ERI3: variants seen among roughly 807,000 people sequenced by gnomAD.
ERI3 encodes ERI1 exoribonuclease family member 3.
ERI3 carries 18 observed loss-of-function variants against 44.4 expected under a neutral mutation model. The observed-to-expected ratio is 0.41, with a 90% CI of 0.28 to 0.60. The LOEUF is 0.60. Ranked by LOEUF, ERI3 falls within the 20% of genes least tolerant of loss-of-function variation. ERI3 has a pLI of 0.36. For missense variants in ERI3, 294 were observed against 435.5 expected (o/e 0.68, Z 2.89); for synonymous variants, 183 against 164.8 (o/e 1.11, Z -0.84).
At chr1:44,259,618 G>T (rs981400174) in intron 7 of ERI3, among the ~76,000 whole-genome samples, 12 of 151,562 alleles carry the variant, frequency 7.9e-5, no homozygotes, top group Admixed American at 2.0e-4. Flanking sequence ...GAGTGGGGAG[G>T]ACTAATTGAA....
intron 5 of ERI3, among the ~76,000 whole-genome samples, chr1:44,311,306 G>A (rs1645967714): frequency 6.6e-6 from 1 of 152,070 alleles, no homozygotes; most frequent in Non-Finnish European, 1.5e-5. Flanking sequence ...CGCTTGCACA[G>A]CAGCTATTCA....
chr1:44,234,871 T>G (rs1341908251), intron 8 of ERI3, among the ~76,000 whole-genome samples: 2 of 151,890 alleles, frequency 1.3e-5, no homozygotes, highest in Non-Finnish European at 2.9e-5. Flanking sequence ...GCCTCCCAAG[T>G]AGCTGGGATT....
intron 5 of ERI3, among the ~76,000 whole-genome samples, chr1:44,310,951 T>TAG (rs1553195164): frequency 0.017 from 1,646 of 95,064 alleles, 116 homozygotes; most frequent in East Asian, 0.099. Flanking sequence ...TATGTGCACA[T>TAG]CGCGCGCGCG....
chr1:44,324,264 G>C (rs1646261136), intron 3 of ERI3, among the ~76,000 whole-genome samples: 2 of 152,254 alleles, frequency 1.3e-5, no homozygotes, highest in Middle Eastern at 3.4e-3. Context: ...ATCAGAGAGG[G>C]GAAATGATCT....
At chr1:44,248,362 G>A (rs1644598644) in intron 7 of ERI3, among the ~76,000 whole-genome samples, 1 of 152,110 alleles carries the variant, frequency 6.6e-6, no homozygotes, top group Non-Finnish European at 1.5e-5. Flanking sequence ...GGGCATACCT[G>A]CACCTTGCAC....
chr1:44,271,777 T>A (rs1572160163), intron 7 of ERI3, among the ~76,000 whole-genome samples: 1 of 152,206 alleles, frequency 6.6e-6, no homozygotes, highest in African/African-American at 2.4e-5. Context: ...CACAGGTAGA[T>A]GATAAGGCCA....
At chr1:44,307,721 C>T (rs1645869993) in intron 6 of ERI3, among the ~76,000 whole-genome samples, 1 of 152,144 alleles carries the variant, frequency 6.6e-6, no homozygotes, top group African/African-American at 2.4e-5. Flanking sequence ...GGCAGCTTCC[C>T]GGAGCAGCCC....
chr1:44,261,222 A>G (rs2154320040), intron 7 of ERI3, among the ~76,000 whole-genome samples: 1 of 152,368 alleles, frequency 6.6e-6, no homozygotes, highest in South Asian at 2.1e-4. Context: ...CGGTTCAGGT[A>G]GGAGCGGGGT....
chr1:44,323,531 C>T (rs1646246145), intron 3 of ERI3, among the ~76,000 whole-genome samples: 2 of 152,176 alleles, frequency 1.3e-5, no homozygotes, highest in African/African-American at 2.4e-5. Context: ...TGGCTGTAGA[C>T]ACAGAGATGA....
At position 44,334,374 on chromosome 1, in the gene ERI3, C is replaced by G. The variant is rs375649326; in HGVS notation, c.489+4671G>C. 4.8e-4 allele frequency among the ~76,000 whole-genome samples: 73 copies of G among 152,308 alleles called. 1 individual carries two copies. The highest frequency in any genetic ancestry group is 1.7e-3 in the African/African-American group (71 of 41,562). On this transcript the variant is annotated intron_variant, in intron 3 of 8. Transcript: ENST00000372257. ...TGCTCTCTGGGCCTCAGGGTCACAA[C>G]AACCATCACTCGGTGCACATCCACA...
Position 44,235,414 on chromosome 1 carries a change from T to G in ERI3, c.931+12525A>C, listed in dbSNP as rs1003732775. Among the ~76,000 whole-genome samples, 1 of 152,170 alleles carries G rather than the reference T, an allele frequency of 6.6e-6. No individual in the cohort carries two copies. Among genetic ancestry groups the G allele is most frequent in the South Asian group, 2.1e-4 (1 of 4,828 alleles). On this transcript the variant is annotated intron_variant, in intron 8 of 8. Transcript: ENST00000372257. This position sits in a 1 kb window ranked among gnomAD's most constrained non-coding sequence, Gnocchi z 4.6. ...CCGCCTTTGTGTTAGGAACCTCTTC[T>G]GTGTGCTCCCACAGCAGCCAATTCT...
intron 4 of ERI3, among the ~76,000 whole-genome samples, chr1:44,316,028 C>T (rs1646080974): frequency 6.7e-6 from 1 of 150,042 alleles, no homozygotes; most frequent in Non-Finnish European, 1.5e-5. Flanking sequence ...CTACCTGATA[C>T]TAATGACCTA....
intron 8 of ERI3, chr1:44,230,495 G>T (rs41264675): frequency 0.07 from 10,719 of 152,322 alleles, 416 homozygotes; most frequent in South Asian, 0.16. Context: ...ATAGGAAGGT[G>T]TCAGGGCCTT....
chr1:44,259,932 C>T (rs574407166), intron 7 of ERI3, among the ~76,000 whole-genome samples: 1 of 148,952 alleles, frequency 6.7e-6, no homozygotes, highest in East Asian at 2.0e-4. Context: ...GACAGACAGA[C>T]AGACAGACAG....
At position 44,303,892 on chromosome 1, in the gene ERI3, CAAG is replaced by C. The variant is rs139377145; in HGVS notation, c.758+4415_758+4417del. On this transcript the variant is annotated intron_variant, in intron 6 of 8. Coordinates refer to ENST00000372257, the MANE Select transcript of ERI3 (RefSeq NM_024066.3). ...TAGTTAGAAGACTTTTGTAGCAATC[CAAG>C]AAGAATATGATCATCTTGACTAGGG... Among the ~76,000 whole-genome samples the C allele has an allele frequency of 6.2e-3, 944 of 152,216 alleles. 17 individuals carry two copies. The highest frequency in any genetic ancestry group is 0.022 in the African/African-American group (900 of 41,528).
chr1:44,353,867 C>T (rs752469080), intron 1 of ERI3: 3 of 985,342 alleles, frequency 3.0e-6, no homozygotes, highest in Non-Finnish European at 3.6e-6. Context: ...AATCACTTCC[C>T]GGCAGCTCCC....
At chr1:44,281,026 G>T (rs1645272916) in intron 7 of ERI3, among the ~76,000 whole-genome samples, 1 of 152,172 alleles carries the variant, frequency 6.6e-6, no homozygotes, top group Admixed American at 6.5e-5. Flanking sequence ...TCATGAAGCT[G>T]CCAGGCTTCT....
chr1:44,284,903 G>A lies in ERI3; in HGVS notation c.763C>T (p.Pro255Ser). 8 of 1,613,854 alleles carry A rather than the reference G, an allele frequency of 5.0e-6. No individual in the cohort carries two copies. Among genetic ancestry groups the A allele is most frequent in the Non-Finnish European group, 6.8e-6 (8 of 1,179,862 alleles). Reference sequence around the variant, plus strand: ...AAGCCCAAGTACTGGCACTGGCCTGGGAGCCTACAAAAAAAAGGGAAGAGA... The same window carrying A: ...AAGCCCAAGTACTGGCACTGGCCTGAGAGCCTACAAAAAAAAGGGAAGAGA... Reference protein sequence around the residue: ...CGDWDLKVMLPGQCQYLGLPV... With the variant: ...CGDWDLKVMLSGQCQYLGLPV... Residue 255 changes from proline (P) to serine (S), a missense_variant, in exon 7 of 9, where the codon CCA (proline) becomes TCA (serine). Pro to Ser is a moderately conservative substitution (Grantham distance 74). Around this residue, in one of 2 missense-constraint regions of ERI3, gnomAD observed 187 missense variants for 338.6 expected, o/e 0.55. Coordinates refer to ENST00000372257, the MANE Select transcript of ERI3 (RefSeq NM_024066.3).
rs537564342 is a variant in ERI3 at position 44,267,561 on chromosome 1, G to A, written c.831+17274C>T. Among the ~76,000 whole-genome samples the A allele has an allele frequency of 9.2e-5, 14 of 152,334 alleles. No individual in the cohort carries two copies. The East Asian group carries it at 1.7e-3, about 19-fold the overall frequency. ...CCATAGGCAGCTCAGCAATCACAGCGCAATAAAGGCAGGCATGCAGCTTGC... is the reference window on the plus strand; with the variant it reads ...CCATAGGCAGCTCAGCAATCACAGCACAATAAAGGCAGGCATGCAGCTTGC... On this transcript the variant is annotated intron_variant, in intron 7 of 8. Transcript: ENST00000372257.
Sources: allele counts gnomAD v4.1 joint callset (sites outside exome capture counted in the v4.1 genomes callset), GRCh38; gene constraint gnomAD v4.1.1; regional missense constraint gnomAD v4.1.1; non-coding constraint Gnocchi (gnomAD v3.1); transcripts MANE v1.5; gene names NCBI Gene and HGNC (gene_info 2026-07-23, HGNC 2026-07-21).